Variants in WDFY4 observed in about 807,000 individuals in gnomAD.
The protein encoded by WDFY4 is WDFY family member 4, also known as WD repeat- and FYVE domain-containing protein 4.
In WDFY4, 169 loss-of-function variants were observed where a neutral mutation model predicts 351.9. The ratio of observed to expected loss-of-function variants is 0.48; its 90% CI spans 0.42 to 0.55. The LOEUF is 0.55. Among genes scored for constraint, WDFY4 ranks in the 20% least tolerant of loss-of-function variants. The probability of loss-of-function intolerance (pLI) is 0.00; values close to 1 mark genes in which losing one functional copy is unlikely to be tolerated. For missense variants in WDFY4, 3,803 were observed against 3,935.6 expected, an observed-to-expected ratio of 0.97 and a Z score of 0.90; for synonymous variants, 1,622 against 1,574.6, an observed-to-expected ratio of 1.03 and a Z score of -0.71.
At chr10:48,941,761 T>G (rs982362422) in intron 47 of WDFY4, 45 bp from the exon 48 acceptor site, 1 of 1,548,564 alleles carries the variant, frequency 6.5e-7, no homozygotes, top group African/African-American at 1.4e-5. Context: ...GTTTGTATTC[T>G]TGCCTTGGTA....
rs1015660547 is a variant in WDFY4 at position 48,709,729 on chromosome 10, C to G, written c.-4C>G. 6.4e-7 allele frequency: 1 copy of G among 1,551,694 alleles called. No homozygotes were observed. The highest frequency in any genetic ancestry group is 2.0e-5 in the Admixed American group (1 of 50,992). ...TTCTGAATTCAGATCTGCTTTGCCA[C>G]GGCATGGAGGCAGAAGATCTTTCAA... On this transcript the variant is annotated 5_prime_UTR_variant, in exon 2 of 62. Coordinates refer to ENST00000325239, the MANE Select transcript of WDFY4 (RefSeq NM_001394531.1).
chr10:48,853,002 A>G (rs2069009792), intron 39 of WDFY4, among the ~76,000 whole-genome samples: 2 of 152,174 alleles, frequency 1.3e-5, no homozygotes, highest in Admixed American at 6.5e-5. Flanking sequence ...ACCGAAGACC[A>G]ATTTCTACAG....
chr10:48,851,701 A>ACTT (rs2068963271), intron 39 of WDFY4, among the ~76,000 whole-genome samples: 1 of 152,258 alleles, frequency 6.6e-6, no homozygotes, highest in African/African-American at 2.4e-5. Flanking sequence ...GACTGTCATC[A>ACTT]GTGGTTAGCG....
intron 47 of WDFY4, among the ~76,000 whole-genome samples, chr10:48,922,881 G>T (rs1839217979): frequency 6.6e-6 from 1 of 152,138 alleles, no homozygotes; most frequent in Non-Finnish European, 1.5e-5. Context: ...AGGGATTAGG[G>T]GTTGGGGAAA....
chr10:48,860,728 A>G (rs2069307138), intron 39 of WDFY4, among the ~76,000 whole-genome samples: 1 of 152,170 alleles, frequency 6.6e-6, no homozygotes, highest in Non-Finnish European at 1.5e-5. Flanking sequence ...TCTATTTTCA[A>G]TTTCATTAAA....
chr10:48,727,300 G>A (rs1001514143), intron 6 of WDFY4, among the ~76,000 whole-genome samples, 170 bp from the exon 7 acceptor site: 5 of 152,202 alleles, frequency 3.3e-5, no homozygotes, highest in African/African-American at 9.7e-5. Flanking sequence ...TGTCAGGATG[G>A]CACTTTCTCT....
chr10:48,801,916 G>A (rs1565215107), intron 24 of WDFY4, among the ~76,000 whole-genome samples: 1 of 151,974 alleles, frequency 6.6e-6, no homozygotes, highest in Non-Finnish European at 1.5e-5. Context: ...GACCCTATGG[G>A]TCACTATCTG....
intron 39 of WDFY4, among the ~76,000 whole-genome samples, chr10:48,864,458 G>A (rs912957426): frequency 6.6e-6 from 1 of 152,172 alleles, no homozygotes; most frequent in African/African-American, 2.4e-5. Flanking sequence ...TCTTATGCCA[G>A]TGCTGCACTG....
At chr10:48,900,690 A>G (rs1251811691) in intron 46 of WDFY4, among the ~76,000 whole-genome samples, 2 of 152,148 alleles carry the variant, frequency 1.3e-5, no homozygotes, top group Non-Finnish European at 2.9e-5. Context: ...TTTCTTTCTG[A>G]TCCCAGTTGC....
Position 48,974,871 on chromosome 10 carries a change from G to A in WDFY4, c.8938G>A (p.Gly2980Arg), listed in dbSNP as rs1376106651. The change falls in exon 58 of 62, where the codon GGA becomes AGA. Residue 2980 changes from glycine (G) to arginine (R), a missense_variant. By Grantham distance (125) the Gly-to-Arg change is moderately radical. Transcript: ENST00000325239. ...GAGTCTCTGTCCCCAGGCCTTGTAT[G>A]GACACACACAGGCTGTCACGTGCCT... ...RGLRLRQALY[G>R]HTQAVTCLAA... 6.5e-7 allele frequency: 1 copy of A among 1,544,714 alleles called. No homozygotes were observed. The highest frequency in any genetic ancestry group is 8.8e-7 in the Non-Finnish European group (1 of 1,142,524).
At chr10:48,862,114 C>A (rs2069365735) in intron 39 of WDFY4, among the ~76,000 whole-genome samples, 1 of 152,100 alleles carries the variant, frequency 6.6e-6, no homozygotes, top group South Asian at 2.1e-4. Flanking sequence ...TTTATGATGG[C>A]TGCTTTAAAA....
rs1455139759 is a variant in WDFY4 at position 48,684,909 on chromosome 10, C to T, written c.-110C>T. ...GCGCTGAGGACTGACGATGTGGGGCCGGGTCCTCTTCCCCCGAGCCTGAGG... is the reference window on the plus strand; with the variant it reads ...GCGCTGAGGACTGACGATGTGGGGCTGGGTCCTCTTCCCCCGAGCCTGAGG... On this transcript the variant is annotated 5_prime_UTR_variant, in exon 1 of 62. Coordinates refer to ENST00000325239, the MANE Select transcript of WDFY4 (RefSeq NM_001394531.1). 2 of 152,388 alleles carry T rather than the reference C, an allele frequency of 1.3e-5. No homozygotes were observed. Among genetic ancestry groups the T allele is most frequent in the East Asian group, 1.9e-4 (1 of 5,196 alleles). The allele number at this position is 152,388 out of a possible 1,614,324, so 9.4% of individuals were successfully genotyped here.
In WDFY4 at chr10:48,946,088, A is replaced by G; in HGVS notation, c.7798A>G (p.Met2600Val). ...GATTTTCCGGGATCTTTCAAAGCCC[A>G]TGGGGGCTCAGACCAAGGAAAGGAA... ...PKIFRDLSKP[M>V]GAQTKERKLK... is the part of the protein sequence containing the mutation. The change falls in exon 50 of 62, where the codon ATG becomes GTG. Residue 2600 changes from methionine (M) to valine (V), a missense_variant. Coordinates refer to ENST00000325239, the MANE Select transcript of WDFY4 (RefSeq NM_001394531.1). The G allele has an allele frequency of 6.5e-7, 1 of 1,548,708 alleles. No individual in the cohort carries two copies. Among genetic ancestry groups the G allele is most frequent in the Non-Finnish European group, 8.7e-7 (1 of 1,146,296 alleles).
Position 48,978,349 on chromosome 10 carries a change from G to T in WDFY4, c.9332G>T (p.Arg3111Leu), listed in dbSNP as rs1403277124. The T allele has an allele frequency of 1.3e-6, 2 of 1,551,264 alleles. No individual in the cohort carries two copies. The highest frequency in any genetic ancestry group is 2.4e-5 in the East Asian group (1 of 40,892). Residue 3111 changes from arginine (R) to leucine (L), a missense_variant, in exon 60 of 62, where the codon CGG (arginine) becomes CTG (leucine). Coordinates refer to ENST00000325239, the MANE Select transcript of WDFY4 (RefSeq NM_001394531.1). ...TEDVKMSVPGRPAGEEPPAQP... is the reference protein window; with the variant it reads ...TEDVKMSVPGLPAGEEPPAQP... Reference sequence around the variant, plus strand: ...GATGTGAAGATGTCTGTTCCTGGACGGCCAGCAGGAGAGGAGCCCCCGGCT... The same window carrying T: ...GATGTGAAGATGTCTGTTCCTGGACTGCCAGCAGGAGAGGAGCCCCCGGCT...
intron 1 of WDFY4, among the ~76,000 whole-genome samples, chr10:48,689,187 C>A (rs2063133632): frequency 2.0e-5 from 3 of 152,186 alleles, no homozygotes; most frequent in African/African-American, 7.2e-5. Context: ...GTTTTATTTA[C>A]AATTAGGGGC....
intron 20 of WDFY4, among the ~76,000 whole-genome samples, chr10:48,787,897 C>CT (rs1565198497): frequency 0.012 from 307 of 26,004 alleles, 19 homozygotes; most frequent in East Asian, 0.026. Context: ...TCTTCTCCTT[C>CT]TTCTTCTTCT....
At chr10:48,727,815 A>C (rs1045889157) in intron 7 of WDFY4, among the ~76,000 whole-genome samples, 156 bp downstream of exon 7, 1 of 152,236 alleles carries the variant, frequency 6.6e-6, no homozygotes, top group Non-Finnish European at 1.5e-5. Flanking sequence ...GCAGACAGGC[A>C]TGGGGACCAC....
intron 39 of WDFY4, among the ~76,000 whole-genome samples, chr10:48,833,235 G>T (rs2068260089): frequency 6.6e-6 from 1 of 150,736 alleles, no homozygotes; most frequent in Non-Finnish European, 1.5e-5. Flanking sequence ...GAGTACGGTG[G>T]GTGGGGGGAC....
intron 40 of WDFY4, among the ~76,000 whole-genome samples, chr10:48,869,591 G>C (rs919648724): frequency 6.6e-6 from 1 of 151,252 alleles, no homozygotes. Context: ...TGCCTCTACA[G>C]TCTGGCCCTG....
Sources: gnomAD v4.1 joint callset for allele counts (sites outside exome capture counted in the v4.1 genomes callset) on GRCh38, gnomAD v4.1.1 for gene constraint, MANE v1.5 for transcripts, NCBI Gene and HGNC (gene_info 2026-07-23, HGNC 2026-07-21) for gene names.